DENND1A: variants seen among roughly 807,000 people sequenced by gnomAD.
DENND1A encodes the protein DENN domain containing 1A.
A neutral mutation model predicts 113.7 loss-of-function variants in DENND1A; 51 were observed. That is an observed-to-expected ratio of 0.45 (90% CI 0.36 to 0.57). The LOEUF (loss-of-function observed/expected upper bound fraction) is 0.57, where lower values mean the gene tolerates loss of function less well. Among genes scored for constraint, DENND1A ranks in the 20% least tolerant of loss-of-function variants. DENND1A has a pLI of 0.00. For missense variants in DENND1A, 1,258 were observed against 1,395.9 expected (o/e 0.90, Z 1.57); for synonymous variants, 565 against 570.8 (o/e 0.99, Z 0.14).
At chr9:123,839,756 ATCTG>A (rs1188204129) in intron 2 of DENND1A, among the ~76,000 whole-genome samples, 1 of 152,222 alleles carries the variant, frequency 6.6e-6, no homozygotes. Flanking sequence ...TGCAAATACA[ATCTG>A]TCTATCAACA....
chr9:123,753,258 T>G lies in DENND1A; in HGVS notation c.302+4445A>C, dbSNP rs191079077. On this transcript the variant is annotated intron_variant, in intron 5 of 23. Transcript: ENST00000394215. The stretch of plus-strand genomic sequence containing the variant: ...ATTCTTCAATAAACTTTGGATGTAT[T>G]TGTGGGAGGAGAAAAAAACATAAAA... 1.5e-4 allele frequency among the ~76,000 whole-genome samples: 23 copies of G among 152,262 alleles called. 1 individual carries two copies. Among genetic ancestry groups the G allele is most frequent in the Non-Finnish European group, 4.4e-5 (3 of 68,018 alleles).
intron 19 of DENND1A, among the ~76,000 whole-genome samples, chr9:123,417,098 A>G (rs2044792504): frequency 6.6e-6 from 1 of 152,196 alleles, no homozygotes; most frequent in Non-Finnish European, 1.5e-5. Flanking sequence ...AGTCTCAGTG[A>G]ACTCTTCTGT....
chr9:123,878,964 A>C lies in DENND1A; in HGVS notation c.75T>G (p.Gly25=). ...VYVEVAYPRT[G]GTLSDPEVQR... Reference sequence around the variant, plus strand: ...CATGCAAAGTACCTGAAAGAGTGCCACCTGTCCTGGGATAGGCCACTTCAA... The same window carrying C: ...CATGCAAAGTACCTGAAAGAGTGCCCCCTGTCCTGGGATAGGCCACTTCAA... The change falls in exon 2 of 24, where the codon GGT becomes GGG. Residue 25 remains glycine (G), a synonymous_variant. Coordinates refer to ENST00000394215, the MANE Select transcript of DENND1A (RefSeq NM_001352964.2). 1 of 1,614,022 alleles carries C rather than the reference A, an allele frequency of 6.2e-7. No individual in the cohort carries two copies. Among genetic ancestry groups the C allele is most frequent in the Non-Finnish European group, 8.5e-7 (1 of 1,179,956 alleles).
intron 5 of DENND1A, among the ~76,000 whole-genome samples, chr9:123,750,703 G>A (rs2069944085): frequency 1.3e-5 from 2 of 152,158 alleles, no homozygotes; most frequent in South Asian, 4.1e-4. Context: ...AAAGGCAAAG[G>A]AAAGTCCTCT....
chr9:123,892,610 G>A (rs1850093383), intron 1 of DENND1A, among the ~76,000 whole-genome samples: 1 of 152,126 alleles, frequency 6.6e-6, no homozygotes, highest in African/African-American at 2.4e-5. Flanking sequence ...AATACATGTG[G>A]GGCTTAATAC....
chr9:123,526,462 A>G (rs570597713), intron 13 of DENND1A, among the ~76,000 whole-genome samples: 2 of 152,076 alleles, frequency 1.3e-5, no homozygotes, highest in East Asian at 1.9e-4. Flanking sequence ...ACCAACAAAC[A>G]CTGGAACTCC....
intron 4 of DENND1A, among the ~76,000 whole-genome samples, chr9:123,769,283 T>G (rs1829341868): frequency 6.6e-6 from 1 of 152,190 alleles, no homozygotes; most frequent in Non-Finnish European, 1.5e-5. Flanking sequence ...AAAACTTTAA[T>G]GCCATACAAA....
intron 21 of DENND1A, among the ~76,000 whole-genome samples, chr9:123,389,260 G>A (rs116136459): frequency 2.3e-3 from 353 of 152,360 alleles, no homozygotes; most frequent in African/African-American, 8.2e-3. Flanking sequence ...GGCTGGCCAG[G>A]CAAAGAGTTT....
chr9:123,787,562 G>A (rs1455921052), intron 3 of DENND1A, among the ~76,000 whole-genome samples: 4 of 152,170 alleles, frequency 2.6e-5, no homozygotes, highest in African/African-American at 9.7e-5. Flanking sequence ...CTTAAGAAAT[G>A]TTTTGCATGG....
chr9:123,578,772 AG>A (rs1255259018), intron 12 of DENND1A, among the ~76,000 whole-genome samples: 1 of 152,222 alleles, frequency 6.6e-6, no homozygotes, highest in East Asian at 1.9e-4. Context: ...AAGGTACACA[AG>A]GGGCTGTGGG....
intron 10 of DENND1A, among the ~76,000 whole-genome samples, chr9:123,611,209 G>A (rs957953478): frequency 1.3e-5 from 2 of 152,070 alleles, no homozygotes; most frequent in Non-Finnish European, 2.9e-5. Context: ...GGTATCTGCT[G>A]TGTGTATTCA....
intron 10 of DENND1A, among the ~76,000 whole-genome samples, chr9:123,620,304 T>C (rs1381986487): frequency 6.6e-6 from 1 of 150,772 alleles, no homozygotes; most frequent in Non-Finnish European, 1.5e-5. Flanking sequence ...TCTTGGCACA[T>C]TCAGTCTTGG....
In DENND1A at chr9:123,636,761, C is replaced by T. The variant is rs370226275; in HGVS notation, c.619-6285G>A. On this transcript the variant is annotated intron_variant, in intron 9 of 23. Transcript: ENST00000394215. ...TGTTGCCCAGGCTGGAGTGCAATGG[C>T]GCAATCTCAGCTCACCACAACCTCT... Among the ~76,000 whole-genome samples the T allele has an allele frequency of 4.8e-5, 7 of 145,054 alleles. No homozygotes were observed. The East Asian group carries it at 1.0e-3, about 21-fold the overall frequency.
At chr9:123,470,272 G>A (rs891536871) in intron 13 of DENND1A, among the ~76,000 whole-genome samples, 13 of 151,890 alleles carry the variant, frequency 8.6e-5, no homozygotes, top group Non-Finnish European at 1.5e-4. Context: ...CTGTGCTGCC[G>A]CAGAGCTACA....
chr9:123,420,821 G>A (rs2045219461), intron 19 of DENND1A, among the ~76,000 whole-genome samples: 1 of 150,652 alleles, frequency 6.6e-6, no homozygotes, highest in Non-Finnish European at 1.5e-5. Context: ...AGGCTGCGTG[G>A]GGGCCGGGTG....
Position 123,470,404 on chromosome 9 carries a change from C to T in DENND1A, c.994-12507G>A, listed in dbSNP as rs1003162317. On this transcript the variant is annotated intron_variant, in intron 13 of 23. Coordinates refer to ENST00000394215, the MANE Select transcript of DENND1A (RefSeq NM_001352964.2). The stretch of plus-strand genomic sequence containing the variant: ...TCACTCTCACCAGGGGCCAGATTCC[C>T]GGTTTCAACACAATGACACTTGCAT... 2.1e-4 allele frequency among the ~76,000 whole-genome samples: 5 copies of T among 24,154 alleles called. No homozygotes were observed. In the East Asian group the frequency reaches 5.5e-3, roughly 27 times the overall value. The allele number at this position is 24,154 out of a possible 152,430, so 15.8% of individuals were successfully genotyped here. A position where few individuals can be genotyped will look rare whatever the true frequency, so the allele number is the denominator to read the frequency against.
Position 123,879,860 on chromosome 9 carries a change from C to T in DENND1A, c.18-839G>A, listed in dbSNP as rs150639477. ...TGTGAAGACAAGATGCCAATCTAAA[C>T]GTAAGACACTGTTCCCACATAGCTA... On this transcript the variant is annotated intron_variant, in intron 1 of 23. Coordinates refer to ENST00000394215, the MANE Select transcript of DENND1A (RefSeq NM_001352964.2). 2.0e-3 allele frequency among the ~76,000 whole-genome samples: 298 copies of T among 152,292 alleles called. 1 individual carries two copies. Among genetic ancestry groups the T allele is most frequent in the Non-Finnish European group, 3.4e-3 (234 of 68,030 alleles).
intron 5 of DENND1A, among the ~76,000 whole-genome samples, chr9:123,687,337 T>A (rs906030597): frequency 3.3e-5 from 5 of 152,206 alleles, no homozygotes; most frequent in African/African-American, 1.2e-4. Context: ...TACTGGGGAT[T>A]TATGACTTAT....
rs534083715 is a variant in DENND1A, at chr9:123,547,071, A to G, written c.993+10499T>C. ...CATTGATCATTTATTGTGTGACTCC[A>G]AGGTAACAAGACTCTCAAACTGGGT... is the stretch of plus-strand genomic sequence containing the variant. On this transcript the variant is annotated intron_variant, in intron 13 of 23. Transcript: ENST00000394215. 1.1e-4 allele frequency among the ~76,000 whole-genome samples: 17 copies of G among 152,352 alleles called. No homozygotes were observed. In the South Asian group the frequency reaches 3.5e-3, roughly 32 times the overall value.
Sources: allele counts gnomAD v4.1 joint callset (sites outside exome capture counted in the v4.1 genomes callset), GRCh38; gene constraint gnomAD v4.1.1; transcripts MANE v1.5; gene names NCBI Gene and HGNC (gene_info 2026-07-23, HGNC 2026-07-21).